Variants in CCDC71L observed in about 807,000 individuals in gnomAD.
The protein encoded by CCDC71L is coiled-coil domain containing 71 like.
CCDC71L carries 6 observed loss-of-function variants against 10.2 expected under a neutral mutation model. That is an observed-to-expected ratio of 0.59 (90% CI 0.32 to 1.16). The LOEUF is 1.16. CCDC71L is among the 50% of genes most tolerant of loss of function. The pLI, the probability that CCDC71L is intolerant of heterozygous loss-of-function variation, is 0.05. For synonymous variants in CCDC71L, 204 were observed against 175.5 expected, an observed-to-expected ratio of 1.16 and a Z score of -1.28; for missense variants, 366 against 383.4, an observed-to-expected ratio of 0.95 and a Z score of 0.38.
At position 106,657,182 on chromosome 7, in the gene CCDC71L, ACACAT is replaced by A. The variant is rs1252428762; in HGVS notation, c.*3002_*3006del. On this transcript the variant is annotated 3_prime_UTR_variant, in exon 1 of 1. Coordinates refer to ENST00000523505, the MANE Select transcript of CCDC71L (RefSeq NM_175884.6). Reference sequence around the variant, plus strand: ...ATATTCAAACTTGAATAAAATAAACACACATCACAACAGCGACACTTTGCACTATC... The same window carrying A: ...ATATTCAAACTTGAATAAAATAAACACACAACAGCGACACTTTGCACTATC... 2.0e-5 allele frequency: 3 copies of A among 152,208 alleles called. No individual in the cohort carries two copies. Among genetic ancestry groups the A allele is most frequent in the Admixed American group, 6.5e-5 (1 of 15,280 alleles). 9.4% of individuals were successfully genotyped at this position (152,208 alleles called of 1,614,324 possible). A position where few individuals can be genotyped will look rare whatever the true frequency, so the allele number is the denominator to read the frequency against.
In CCDC71L at chr7:106,658,354, T is replaced by C. The variant is rs1792525735; in HGVS notation, c.*1835A>G. ...ACTAGAAAACTGGCATCAAGTTATA[T>C]ATATGTGTGTATATATATATCATAT... On this transcript the variant is annotated 3_prime_UTR_variant, in exon 1 of 1. Coordinates refer to ENST00000523505, the MANE Select transcript of CCDC71L (RefSeq NM_175884.6). 6.6e-6 allele frequency: 1 copy of C among 152,214 alleles called. No individual in the cohort carries two copies. The highest frequency in any genetic ancestry group is 2.4e-5 in the African/African-American group (1 of 41,464). The allele number at this position is 152,214 out of a possible 1,614,324, so 9.4% of individuals were successfully genotyped here.
chr7:106,660,678 C>G lies in CCDC71L; in HGVS notation c.219G>C (p.Ser73=). 1.9e-6 allele frequency: 3 copies of G among 1,586,360 alleles called. No homozygotes were observed. The highest frequency in any genetic ancestry group is 2.6e-6 in the Non-Finnish European group (3 of 1,166,358). The change falls in exon 1 of 1, where the codon TCG becomes TCC. Residue 73 remains serine (S), a synonymous_variant. Coordinates refer to ENST00000523505, the MANE Select transcript of CCDC71L (RefSeq NM_175884.6). The surrounding 1 kb of genome is among the most constrained non-coding windows in gnomAD (Gnocchi z 7.5). ...AGAGGAAGCTCCAGAGCTCCGCGTC[C>G]GAGCTCATGAACTCCGTGCTGCGGG... ...FMPRSTEFMS[S]DAELWSFLCS... is the part of the protein sequence containing the mutation.
chr7:106,660,837 G>GC lies in CCDC71L; in HGVS notation c.59_60insG (p.Arg21ProfsTer6). The GC allele has an allele frequency of 6.6e-7, 1 of 1,524,026 alleles. No individual in the cohort carries two copies. The highest frequency in any genetic ancestry group is 8.8e-7 in the Non-Finnish European group (1 of 1,136,646). 94.4% of individuals were successfully genotyped at this position (1,524,026 alleles called of 1,614,324 possible). On this transcript the variant is annotated frameshift_variant, in exon 1 of 1. Coordinates refer to ENST00000523505, the MANE Select transcript of CCDC71L (RefSeq NM_175884.6). LOFTEE classifies it high-confidence loss of function. The surrounding 1 kb of genome is among the most constrained non-coding windows in gnomAD (Gnocchi z 7.5). ...CTTCTGCCCTAAAGTCGCCGCCCCG[G>GC]GCGGCCGTGGCCGGGGCGACCGGGC... is the stretch of plus-strand genomic sequence containing the variant.
chr7:106,660,388 G>A lies in CCDC71L; in HGVS notation c.509C>T (p.Pro170Leu). The change falls in exon 1 of 1, where the codon CCC becomes CTC. Residue 170 changes from proline (P) to leucine (L), a missense_variant. Pro to Leu is a moderately conservative substitution (Grantham distance 98, BLOSUM62 -3). Transcript: ENST00000523505. This position sits in a 1 kb window ranked among gnomAD's most constrained non-coding sequence, Gnocchi z 7.5. ...CTCCAAGGTGCGGCCCCCGAAGCAG[G>A]GCCCGGGGGCCACGGGCTTGGCCGG... ...SCPAKPVAPG[P>L]CFGGRTLEEI... 1.5e-6 allele frequency: 2 copies of A among 1,336,170 alleles called. No homozygotes were observed. The highest frequency in any genetic ancestry group is 9.6e-7 in the Non-Finnish European group (1 of 1,046,850). The allele number at this position is 1,336,170 out of a possible 1,614,324, so 82.8% of individuals were successfully genotyped here. A position where few individuals can be genotyped will look rare whatever the true frequency, so the allele number is the denominator to read the frequency against.
chr7:106,657,562 T>C lies in CCDC71L; in HGVS notation c.*2627A>G, dbSNP rs889226621. On this transcript the variant is annotated 3_prime_UTR_variant, in exon 1 of 1. Coordinates refer to ENST00000523505, the MANE Select transcript of CCDC71L (RefSeq NM_175884.6). ...TCATTATAAAGGCCACTATGCCAAGTTTCTTTTCACATTCTGTGACAAAGT... is the reference window on the plus strand; with the variant it reads ...TCATTATAAAGGCCACTATGCCAAGCTTCTTTTCACATTCTGTGACAAAGT... 2.0e-5 allele frequency: 3 copies of C among 152,202 alleles called. No individual in the cohort carries two copies. Among genetic ancestry groups the C allele is most frequent in the Non-Finnish European group, 4.4e-5 (3 of 68,012 alleles). The allele number at this position is 152,202 out of a possible 1,614,324, so 9.4% of individuals were successfully genotyped here. A position where few individuals can be genotyped will look rare whatever the true frequency, so the allele number is the denominator to read the frequency against.
chr7:106,660,412 G>A lies in CCDC71L; in HGVS notation c.485C>T (p.Pro162Leu), dbSNP rs1030992532. Reference sequence around the variant, plus strand: ...GGGCCCGGGGGCCACGGGCTTGGCCGGGCAGCTCTCCTCGGGGGGCGGCGG... The same window carrying A: ...GGGCCCGGGGGCCACGGGCTTGGCCAGGCAGCTCTCCTCGGGGGGCGGCGG... ...PPPPPPEESC[P>L]AKPVAPGPCF... Residue 162 changes from proline (P) to leucine (L), a missense_variant, in exon 1 of 1, where the codon CCG (proline) becomes CTG (leucine). Transcript: ENST00000523505. The surrounding 1 kb of genome is among the most constrained non-coding windows in gnomAD (Gnocchi z 7.5). 18 of 1,274,452 alleles carry A rather than the reference G, an allele frequency of 1.4e-5. No individual in the cohort carries two copies. The highest frequency in any genetic ancestry group is 3.0e-4 in the Middle Eastern group (1 of 3,306). The allele number at this position is 1,274,452 out of a possible 1,614,324, so 78.9% of individuals were successfully genotyped here.
In CCDC71L at chr7:106,660,569, C is replaced by A; in HGVS notation, c.328G>T (p.Asp110Tyr). The change falls in exon 1 of 1, where the codon GAC (aspartate) becomes TAC (tyrosine). Residue 110 changes from aspartate (D) to tyrosine (Y), a missense_variant. Asp to Tyr is a radical substitution (Grantham distance 160). Transcript: ENST00000523505. The surrounding 1 kb of genome is among the most constrained non-coding windows in gnomAD (Gnocchi z 7.5). ...GYSSCRALVP[D>Y]PPGPPTARGQ... is the part of the protein sequence containing the mutation. ...CGGGCTGTAGGGGGCCCCGGGGGGT[C>A]GGGTACCAGGGCCCGGCAGGAGGAG... 6.5e-7 allele frequency: 1 copy of A among 1,541,620 alleles called. No individual in the cohort carries two copies. Among genetic ancestry groups the A allele is most frequent in the Non-Finnish European group, 8.7e-7 (1 of 1,145,246 alleles).
Position 106,659,843 on chromosome 7 carries a change from T to C in CCDC71L, c.*346A>G, listed in dbSNP as rs1792556521. ...TGTCTTCGGAGGACTTCCAGACCAG[T>C]GAGGTAGAGTCCAACAGTGAGAAAA... On this transcript the variant is annotated 3_prime_UTR_variant, in exon 1 of 1. Transcript: ENST00000523505. The C allele has an allele frequency of 7.8e-6, 2 of 255,640 alleles. No individual in the cohort carries two copies. Among genetic ancestry groups the C allele is most frequent in the Non-Finnish European group, 1.5e-5 (2 of 134,614 alleles). The allele number at this position is 255,640 out of a possible 1,614,324, so 15.8% of individuals were successfully genotyped here.
rs1266666138 is a variant in CCDC71L at position 106,660,903 on chromosome 7, C to T, written c.-7G>A. 3.7e-6 allele frequency: 5 copies of T among 1,367,288 alleles called. No homozygotes were observed. Among genetic ancestry groups the T allele is most frequent in the East Asian group, 3.0e-5 (1 of 32,882 alleles). 84.7% of individuals were successfully genotyped at this position (1,367,288 alleles called of 1,614,324 possible). A position where few individuals can be genotyped will look rare whatever the true frequency, so the allele number is the denominator to read the frequency against. Reference sequence around the variant, plus strand: ...TCTTCATACTGCGCCGCATCGAAGGCCGCTCCGGGCCACTCACGCTCGCCG... The same window carrying T: ...TCTTCATACTGCGCCGCATCGAAGGTCGCTCCGGGCCACTCACGCTCGCCG... On this transcript the variant is annotated 5_prime_UTR_variant, in exon 1 of 1. Transcript: ENST00000523505. The surrounding 1 kb of genome is among the most constrained non-coding windows in gnomAD (Gnocchi z 7.5).
In CCDC71L at chr7:106,655,715, C is replaced by G. The variant is rs7357189; in HGVS notation, c.*4474G>C. Among the ~76,000 whole-genome samples, 28,894 of 147,348 alleles carry G rather than the reference C, an allele frequency of 0.2. 3,851 individuals are homozygous for G. Among genetic ancestry groups the G allele is most frequent in the African/African-American group, 0.41 (15,341 of 37,142 alleles). ...AGATATAACAAAAGAAGATGTGAAT[C>G]TTTAAAAAAACTCCAACAACAAAAA... On this transcript the variant is annotated 3_prime_UTR_variant, in exon 1 of 1. Coordinates refer to ENST00000523505, the MANE Select transcript of CCDC71L (RefSeq NM_175884.6).
chr7:106,660,731 G>A lies in CCDC71L; in HGVS notation c.166C>T (p.Leu56=). The A allele has an allele frequency of 3.2e-6, 5 of 1,572,434 alleles. No homozygotes were observed. The South Asian group carries it at 3.5e-5, about 11-fold the overall frequency. ...ATGAAGAGCTTGAAGGCGTCGCCCAGCGCCTTGGTGCTGTCAGCCAGCGAC... is the reference window on the plus strand; with the variant it reads ...ATGAAGAGCTTGAAGGCGTCGCCCAACGCCTTGGTGCTGTCAGCCAGCGAC... ...QLSLADSTKA[L]GDAFKLFMPR... is the part of the protein sequence containing the mutation. The change falls in exon 1 of 1, where the codon CTG becomes TTG. Residue 56 remains leucine, a synonymous_variant. Coordinates refer to ENST00000523505, the MANE Select transcript of CCDC71L (RefSeq NM_175884.6). This position sits in a 1 kb window ranked among gnomAD's most constrained non-coding sequence, Gnocchi z 7.5.
chr7:106,660,203 C>T lies in CCDC71L; in HGVS notation c.694G>A (p.Val232Met). The change falls in exon 1 of 1, where the codon GTG becomes ATG. Residue 232 changes from valine to methionine, a missense_variant. Val to Met is a conservative substitution (Grantham distance 21). Coordinates refer to ENST00000523505, the MANE Select transcript of CCDC71L (RefSeq NM_175884.6). The surrounding 1 kb of genome is among the most constrained non-coding windows in gnomAD (Gnocchi z 7.5). ...EPMVRLRRFP[V>M]PRA is the part of the protein sequence containing the mutation. ...GAGGCCGCACCTCATGCCCGGGGCA[C>T]CGGGAAGCGGCGGAGCCTCACCATG... 6.4e-7 allele frequency: 1 copy of T among 1,565,718 alleles called. No individual in the cohort carries two copies.
At position 106,660,907 on chromosome 7, in the gene CCDC71L, T is replaced by C. The variant is rs1489250295; in HGVS notation, c.-11A>G. 5 of 1,360,580 alleles carry C rather than the reference T, an allele frequency of 3.7e-6. No individual in the cohort carries two copies. In the African/African-American group the frequency reaches 6.2e-5, roughly 17 times the overall value. The allele number at this position is 1,360,580 out of a possible 1,614,324, so 84.3% of individuals were successfully genotyped here. Reference sequence around the variant, plus strand: ...CATACTGCGCCGCATCGAAGGCCGCTCCGGGCCACTCACGCTCGCCGGGTC... The same window carrying C: ...CATACTGCGCCGCATCGAAGGCCGCCCCGGGCCACTCACGCTCGCCGGGTC... On this transcript the variant is annotated 5_prime_UTR_variant, in exon 1 of 1. Coordinates refer to ENST00000523505, the MANE Select transcript of CCDC71L (RefSeq NM_175884.6). The surrounding 1 kb of genome is among the most constrained non-coding windows in gnomAD (Gnocchi z 7.5).
Position 106,656,757 on chromosome 7 carries a change from C to T in CCDC71L, c.*3432G>A, listed in dbSNP as rs1202891395. 1.3e-5 allele frequency: 2 copies of T among 152,088 alleles called. No homozygotes were observed. The highest frequency in any genetic ancestry group is 2.9e-5 in the Non-Finnish European group (2 of 68,002). The allele number at this position is 152,088 out of a possible 1,614,324, so 9.4% of individuals were successfully genotyped here. A position where few individuals can be genotyped will look rare whatever the true frequency, so the allele number is the denominator to read the frequency against. The stretch of plus-strand genomic sequence containing the variant: ...AAAAATGTTCAAATCATTAGAAAAA[C>T]TAGACACTATGTATTCTCTAAAATT... On this transcript the variant is annotated 3_prime_UTR_variant, in exon 1 of 1. Coordinates refer to ENST00000523505, the MANE Select transcript of CCDC71L (RefSeq NM_175884.6).
rs771236691 is a variant in CCDC71L at position 106,660,693 on chromosome 7, C to T, written c.204G>A (p.Thr68=). 6.3e-6 allele frequency: 10 copies of T among 1,585,120 alleles called. No individual in the cohort carries two copies. Among genetic ancestry groups the T allele is most frequent in the Admixed American group, 1.8e-5 (1 of 56,280 alleles). The stretch of plus-strand genomic sequence containing the variant: ...GCTCCGCGTCCGAGCTCATGAACTC[C>T]GTGCTGCGGGGCATGAAGAGCTTGA... ...DAFKLFMPRS[T]EFMSSDAELW... is the part of the protein sequence containing the mutation. The change falls in exon 1 of 1, where the codon ACG becomes ACA. Residue 68 remains threonine, a synonymous_variant. Transcript: ENST00000523505. The surrounding 1 kb of genome is among the most constrained non-coding windows in gnomAD (Gnocchi z 7.5).
Position 106,660,851 on chromosome 7 carries a change from G to T in CCDC71L, c.46C>A (p.Pro16Thr). 6.7e-7 allele frequency: 1 copy of T among 1,482,554 alleles called. No homozygotes were observed. 91.8% of individuals were successfully genotyped at this position (1,482,554 alleles called of 1,614,324 possible). The change falls in exon 1 of 1, where the codon CCG becomes ACG. Residue 16 changes from proline to threonine, a missense_variant. Coordinates refer to ENST00000523505, the MANE Select transcript of CCDC71L (RefSeq NM_175884.6). The surrounding 1 kb of genome is among the most constrained non-coding windows in gnomAD (Gnocchi z 7.5). ...TCGCCGCCCCGGGCGGCCGTGGCCGGGGCGACCGGGCGCCGGCGCCGCCGC... is the reference window on the plus strand; with the variant it reads ...TCGCCGCCCCGGGCGGCCGTGGCCGTGGCGACCGGGCGCCGGCGCCGCCGC... ...KRRRRRRPVA[P>T]ATAARGGDFR...
chr7:106,656,222 T>C lies in CCDC71L; in HGVS notation c.*3967A>G, dbSNP rs757630391. Among the ~76,000 whole-genome samples the C allele has an allele frequency of 2.0e-5, 3 of 152,182 alleles. No homozygotes were observed. Among genetic ancestry groups the C allele is most frequent in the Non-Finnish European group, 2.9e-5 (2 of 68,028 alleles). ...ATTACACTACGCTTCCTCCAACTAA[T>C]AGGAACTTAGGTACAAAGACAAATT... is the stretch of plus-strand genomic sequence containing the variant. On this transcript the variant is annotated 3_prime_UTR_variant, in exon 1 of 1. Coordinates refer to ENST00000523505, the MANE Select transcript of CCDC71L (RefSeq NM_175884.6).
rs1352539896 is a variant in CCDC71L at position 106,654,649 on chromosome 7, CAAG to C, written c.*5537_*5539del. ...AAATCAAAATAATGGTTATCTTGGG[CAAG>C]AAGGTGAGTAGGTAATGGCTGATGG... is the stretch of plus-strand genomic sequence containing the variant. On this transcript the variant is annotated 3_prime_UTR_variant, in exon 1 of 1. Coordinates refer to ENST00000523505, the MANE Select transcript of CCDC71L (RefSeq NM_175884.6). 1.3e-5 allele frequency among the ~76,000 whole-genome samples: 2 copies of C among 151,858 alleles called. No individual in the cohort carries two copies. The highest frequency in any genetic ancestry group is 2.9e-5 in the Non-Finnish European group (2 of 67,938).
rs144988171 is a variant in CCDC71L, at chr7:106,654,586, A to G, written c.*5603T>C. On this transcript the variant is annotated 3_prime_UTR_variant, in exon 1 of 1. Coordinates refer to ENST00000523505, the MANE Select transcript of CCDC71L (RefSeq NM_175884.6). ...AGACACATGACCAATAATTCCATTT[A>G]TGTAAAGTTCAAAAATAAGCAAAAA... is the stretch of plus-strand genomic sequence containing the variant. Among the ~76,000 whole-genome samples the G allele has an allele frequency of 1.5e-3, 227 of 152,262 alleles. No homozygotes were observed. Among genetic ancestry groups the G allele is most frequent in the Middle Eastern group, 3.4e-3 (1 of 294 alleles).
Sources: allele counts gnomAD v4.1 joint callset (sites outside exome capture counted in the v4.1 genomes callset), GRCh38; gene constraint gnomAD v4.1.1; non-coding constraint Gnocchi (gnomAD v3.1); transcripts MANE v1.5; gene names NCBI Gene and HGNC (gene_info 2026-07-23, HGNC 2026-07-21).